BFSP2: variants seen among roughly 807,000 people sequenced by gnomAD.
The protein encoded by BFSP2 is beaded filament structural protein 2, also known as phakinin.
In BFSP2, 38 loss-of-function variants were observed where a neutral mutation model predicts 44.9. The ratio of observed to expected loss-of-function variants is 0.85; its 90% CI spans 0.65 to 1.11. The LOEUF (loss-of-function observed/expected upper bound fraction) is 1.11, where lower values mean the gene tolerates loss of function less well. Ranked by LOEUF, BFSP2 falls within the 50% of genes least tolerant of loss-of-function variation. The pLI is 0.00. For synonymous variants in BFSP2, 197 were observed against 209.9 expected, an observed-to-expected ratio of 0.94 and a Z score of 0.53; for missense variants, 525 against 533.0, an observed-to-expected ratio of 0.99 and a Z score of 0.15.
At chr3:133,431,322 C>G (rs2073714950) in intron 1 of BFSP2, among the ~76,000 whole-genome samples, 1 of 152,218 alleles carries the variant, frequency 6.6e-6, no homozygotes, top group Non-Finnish European at 1.5e-5. Context: ...CCAGCCACAT[C>G]TCCAGCACAC....
rs565006054 is a variant in BFSP2 at position 133,400,943 on chromosome 3, G to T, written c.489+371G>T. Among the ~76,000 whole-genome samples, 1 of 152,282 alleles carries T rather than the reference G, an allele frequency of 6.6e-6. No homozygotes were observed. The highest frequency in any genetic ancestry group is 1.5e-5 in the Non-Finnish European group (1 of 68,014). On this transcript the variant is annotated intron_variant, in intron 1 of 6. Transcript: ENST00000302334. The surrounding 1 kb of genome is among the most constrained non-coding windows in gnomAD (Gnocchi z 4.0). ...TTTTTGTGCCTCCAAAGTTGCATTT[G>T]CCCCATTACCCTGGGGCTGCCTCAG... is the stretch of plus-strand genomic sequence containing the variant.
chr3:133,429,879 A>T (rs1173946618), intron 1 of BFSP2, among the ~76,000 whole-genome samples: 4 of 151,620 alleles, frequency 2.6e-5, no homozygotes, highest in Non-Finnish European at 4.4e-5. Context: ...AGCATTAGGT[A>T]TATCTCCTAA....
At chr3:133,444,946 A>C (rs956629004) in intron 1 of BFSP2, among the ~76,000 whole-genome samples, 1 of 151,998 alleles carries the variant, frequency 6.6e-6, no homozygotes, top group Non-Finnish European at 1.5e-5. Flanking sequence ...AAGCCCTTTC[A>C]AAGGCTTCCC....
chr3:133,459,668 C>G (rs2074044306), intron 4 of BFSP2, among the ~76,000 whole-genome samples: 1 of 152,190 alleles, frequency 6.6e-6, no homozygotes, highest in South Asian at 2.1e-4. Context: ...CTGAGGAGAG[C>G]CCATGTTGCT....
At chr3:133,430,749 C>T (rs1382813514) in intron 1 of BFSP2, among the ~76,000 whole-genome samples, 8 of 152,094 alleles carry the variant, frequency 5.3e-5, no homozygotes, top group Non-Finnish European at 1.2e-4. Context: ...AGTCCCAACC[C>T]CAAGCGTCGC....
intron 4 of BFSP2, chr3:133,455,754 C>G (rs1325318429): frequency 6.6e-6 from 1 of 152,314 alleles, no homozygotes; most frequent in Non-Finnish European, 1.5e-5. Flanking sequence ...CCTCCTCTGC[C>G]AGGCAAACAG....
chr3:133,408,275 T>C (rs964633519), intron 1 of BFSP2, among the ~76,000 whole-genome samples: 3 of 152,206 alleles, frequency 2.0e-5, no homozygotes, highest in Non-Finnish European at 4.4e-5. Flanking sequence ...TCAACTGCAC[T>C]CATAATAAGA....
chr3:133,436,715 C>A (rs2107911233), intron 1 of BFSP2, among the ~76,000 whole-genome samples: 1 of 152,294 alleles, frequency 6.6e-6, no homozygotes, highest in South Asian at 2.1e-4. Context: ...ATTAACTTGT[C>A]ATTTACATTA....
chr3:133,405,994 T>G (rs138660161), intron 1 of BFSP2, among the ~76,000 whole-genome samples: 1 of 152,358 alleles, frequency 6.6e-6, no homozygotes, highest in African/African-American at 2.4e-5. Context: ...AGTCTCACTC[T>G]GTTGCCCAGG....
At chr3:133,413,118 G>A (rs2073472426) in intron 1 of BFSP2, among the ~76,000 whole-genome samples, 1 of 152,148 alleles carries the variant, frequency 6.6e-6, no homozygotes, top group African/African-American at 2.4e-5. Context: ...GGCAGGAGCA[G>A]GCTTACTTTG....
chr3:133,414,485 C>A (rs2107884633), intron 1 of BFSP2, among the ~76,000 whole-genome samples: 1 of 108,004 alleles, frequency 9.3e-6, no homozygotes, highest in Non-Finnish European at 1.9e-5. Context: ...CTCTACTCAC[C>A]CCTGCTCTCT....
rs376035908 is a variant in BFSP2 at position 133,419,683 on chromosome 3, G to A, written c.489+19111G>A. Among the ~76,000 whole-genome samples, 13 of 152,198 alleles carry A rather than the reference G, an allele frequency of 8.5e-5. No individual in the cohort carries two copies. The East Asian group carries it at 1.2e-3, about 14-fold the overall frequency. On this transcript the variant is annotated intron_variant, in intron 1 of 6. Transcript: ENST00000302334. ...TGGAACTAACTGCTTTAACCAGGAC[G>A]CATGAGGCTGGGCGGCTTCCGACCC...
intron 4 of BFSP2, among the ~76,000 whole-genome samples, chr3:133,456,343 A>G (rs1002650020): frequency 2.0e-5 from 3 of 152,236 alleles, no homozygotes; most frequent in Non-Finnish European, 4.4e-5. Flanking sequence ...GATAGTCTTA[A>G]GGCCAAAAGA....
At chr3:133,471,636 A>G (rs2074162475) in intron 5 of BFSP2, among the ~76,000 whole-genome samples, 1 of 152,130 alleles carries the variant, frequency 6.6e-6, no homozygotes, top group African/African-American at 2.4e-5. Flanking sequence ...GAGACGACTC[A>G]TGAGTATGTT....
chr3:133,420,329 A>G (rs976114990), intron 1 of BFSP2, among the ~76,000 whole-genome samples: 1 of 152,150 alleles, frequency 6.6e-6, no homozygotes, highest in Non-Finnish European at 1.5e-5. Context: ...GATCTTAATA[A>G]TCTTTACACA....
chr3:133,458,266 C>T (rs1181019741), intron 4 of BFSP2, among the ~76,000 whole-genome samples: 1 of 152,210 alleles, frequency 6.6e-6, no homozygotes, highest in East Asian at 1.9e-4. Context: ...GCTATAGTAG[C>T]ATATACCAGT....
At chr3:133,463,900 C>T (rs987362862) in intron 4 of BFSP2, among the ~76,000 whole-genome samples, 8 of 152,190 alleles carry the variant, frequency 5.3e-5, no homozygotes, top group Non-Finnish European at 1.2e-4. Flanking sequence ...ACCTCTGTTA[C>T]AGTTACCAGT....
chr3:133,460,626 G>A (rs1231796755), intron 4 of BFSP2, among the ~76,000 whole-genome samples: 4 of 152,116 alleles, frequency 2.6e-5, no homozygotes, highest in African/African-American at 4.8e-5. Context: ...TTTGTCCCCG[G>A]GGGGCTAAAA....
chr3:133,420,359 C>T (rs535616651), intron 1 of BFSP2, among the ~76,000 whole-genome samples: 37 of 152,278 alleles, frequency 2.4e-4, no homozygotes, highest in African/African-American at 8.9e-4. Context: ...AGGAATGAAG[C>T]AGGCATAGAG....
Sources: allele counts gnomAD v4.1 joint callset (sites outside exome capture counted in the v4.1 genomes callset), GRCh38; gene constraint gnomAD v4.1.1; non-coding constraint Gnocchi (gnomAD v3.1); transcripts MANE v1.5; gene names NCBI Gene and HGNC (gene_info 2026-07-23, HGNC 2026-07-21).